The following KIF26B variants were observed in gnomAD, a reference collection of about 807,000 sequenced individuals.
The protein encoded by KIF26B is kinesin family member 26B.
Under a neutral mutation model 151.2 loss-of-function variants are expected in KIF26B, and 63 were observed. The ratio of observed to expected loss-of-function variants is 0.42; its 90% CI spans 0.34 to 0.51. The LOEUF (loss-of-function observed/expected upper bound fraction) is 0.51. Among genes scored for constraint, KIF26B ranks in the 20% least tolerant of loss-of-function variants. The probability of loss-of-function intolerance (pLI) is 0.07; values close to 1 mark genes in which losing one functional copy is unlikely to be tolerated. For synonymous variants in KIF26B, 1,357 were observed against 1,262.1 expected, an observed-to-expected ratio of 1.08 and a Z score of -1.59; for missense variants, 2,813 against 2,913.6, an observed-to-expected ratio of 0.97 and a Z score of 0.79.
intron 9 of KIF26B, among the ~76,000 whole-genome samples, chr1:245,613,065 C>T (rs888613078): frequency 3.9e-5 from 6 of 152,242 alleles, no homozygotes; most frequent in South Asian, 4.1e-4. Flanking sequence ...TTGTGGGTAA[C>T]GGGGCTGCTG....
At chr1:245,599,689 C>T (rs994038619) in intron 5 of KIF26B, among the ~76,000 whole-genome samples, 2 of 152,216 alleles carry the variant, frequency 1.3e-5, no homozygotes, top group African/African-American at 2.4e-5. Flanking sequence ...AGGAGATTTG[C>T]TTACAGAAAG....
chr1:245,304,885 T>A (rs1475570220), intron 2 of KIF26B, among the ~76,000 whole-genome samples: 3 of 150,430 alleles, frequency 2.0e-5, no homozygotes, highest in South Asian at 2.1e-4. Flanking sequence ...AAAAAAAAAA[T>A]GATTATGAGA....
intron 2 of KIF26B, among the ~76,000 whole-genome samples, chr1:245,263,635 C>A (rs1670691509): frequency 6.6e-6 from 1 of 152,196 alleles, no homozygotes. Flanking sequence ...GTTAATTGGT[C>A]TAGGAGCTTA....
Position 245,688,680 on chromosome 1 carries a change from G to A in KIF26B, c.5697G>A (p.Glu1899=). The A allele has an allele frequency of 1.2e-6, 2 of 1,605,676 alleles. No homozygotes were observed. Among genetic ancestry groups the A allele is most frequent in the Non-Finnish European group, 1.7e-6 (2 of 1,177,292 alleles). Residue 1899 remains glutamate, a synonymous_variant, in exon 12 of 15, where the codon GAG becomes GAA. Coordinates refer to ENST00000407071, the MANE Select transcript of KIF26B (RefSeq NM_018012.4). ...FYHSGGSSGY[E]SVMRDSEATG... is the part of the protein sequence containing the mutation. The stretch of plus-strand genomic sequence containing the variant: ...ACAGCGGCGGCAGCAGCGGCTACGA[G>A]AGCGTGATGCGGGACAGCGAGGCCA...
At position 245,352,452 on chromosome 1, in the gene KIF26B, T is replaced by C. The variant is rs1040625805; in HGVS notation, c.466-14382T>C. ...CTAATTTTTGTATTTTCAGTAGAGA[T>C]GGGTTTTCACAATGTTGGCCAGGTT... On this transcript the variant is annotated intron_variant, in intron 2 of 14. Coordinates refer to ENST00000407071, the MANE Select transcript of KIF26B (RefSeq NM_018012.4). The surrounding 1 kb of genome is among the most constrained non-coding windows in gnomAD (Gnocchi z 5.0). Among the ~76,000 whole-genome samples the C allele has an allele frequency of 2.6e-5, 4 of 152,128 alleles. No individual in the cohort carries two copies. The highest frequency in any genetic ancestry group is 2.1e-4 in the South Asian group (1 of 4,826).
chr1:245,437,282 G>C (rs911529853), intron 4 of KIF26B, among the ~76,000 whole-genome samples: 2 of 152,138 alleles, frequency 1.3e-5, no homozygotes, highest in Admixed American at 6.5e-5. Flanking sequence ...CCGAGCTCCC[G>C]TGTTCCATCC....
chr1:245,375,818 G>A lies in KIF26B; in HGVS notation c.999+8451G>A, dbSNP rs77445705. Among the ~76,000 whole-genome samples the A allele has an allele frequency of 3.3e-5, 5 of 152,234 alleles. No individual in the cohort carries two copies. The highest frequency in any genetic ancestry group is 1.9e-4 in the East Asian group (1 of 5,174). ...CAGAAACCTGCAGGACAGCAAGAACGTGGGCTTTTCATCTCACACAACAAA... is the reference window on the plus strand; with the variant it reads ...CAGAAACCTGCAGGACAGCAAGAACATGGGCTTTTCATCTCACACAACAAA... On this transcript the variant is annotated intron_variant, in intron 3 of 14. Transcript: ENST00000407071. The surrounding 1 kb of genome is among the most constrained non-coding windows in gnomAD (Gnocchi z 4.2).
In KIF26B at chr1:245,688,373, C is replaced by T. The variant is rs1447034259; in HGVS notation, c.5390C>T (p.Ser1797Phe). The change falls in exon 12 of 15, where the codon TCC (serine) becomes TTC (phenylalanine). Residue 1797 changes from serine (S) to phenylalanine (F), a missense_variant. Coordinates refer to ENST00000407071, the MANE Select transcript of KIF26B (RefSeq NM_018012.4). ...LSRNRSSGLA[S>F]KLPLRAVSGR... ...AGGAACAGGAGCTCGGGCCTGGCCT[C>T]CAAGCTTCCCCTGCGGGCCGTCAGC... 3.9e-6 allele frequency: 6 copies of T among 1,537,834 alleles called. No individual in the cohort carries two copies. The highest frequency in any genetic ancestry group is 4.3e-6 in the Non-Finnish European group (5 of 1,150,780).
chr1:245,376,764 T>G (rs1673285661), intron 3 of KIF26B, among the ~76,000 whole-genome samples: 1 of 152,214 alleles, frequency 6.6e-6, no homozygotes, highest in Non-Finnish European at 1.5e-5. Flanking sequence ...CTTGGCTCAC[T>G]CCAACCTCCG....
intron 10 of KIF26B, among the ~76,000 whole-genome samples, chr1:245,657,733 C>T (rs1427255479): frequency 6.6e-6 from 1 of 152,186 alleles, no homozygotes; most frequent in African/African-American, 2.4e-5. Context: ...CTCACTCATT[C>T]ATTCATTCAA....
intron 3 of KIF26B, among the ~76,000 whole-genome samples, chr1:245,368,440 C>T (rs73134806): frequency 0.05 from 7,627 of 152,068 alleles, 601 homozygotes; most frequent in African/African-American, 0.17. Flanking sequence ...GAGGCGGCCA[C>T]GGTCAAGGGT....
chr1:245,268,470 AAATAAT>A (rs59590596), intron 2 of KIF26B, among the ~76,000 whole-genome samples: 6,694 of 134,658 alleles, frequency 0.05, 301 homozygotes, highest in African/African-American at 0.12. Context: ...CTCCATCTCC[AAATAAT>A]AATAATAATA....
chr1:245,345,272 G>A (rs891923637), intron 2 of KIF26B, among the ~76,000 whole-genome samples: 2 of 152,060 alleles, frequency 1.3e-5, no homozygotes, highest in Admixed American at 6.5e-5. Flanking sequence ...CGCCCCAGAG[G>A]CCACTCCTGG....
chr1:245,198,514 G>T (rs1669231190), intron 2 of KIF26B, among the ~76,000 whole-genome samples: 1 of 152,132 alleles, frequency 6.6e-6, no homozygotes, highest in South Asian at 2.1e-4. Context: ...CTGAGGTCAG[G>T]AGTGCAAGAC....
At chr1:245,622,782 C>T (rs1342587595) in intron 9 of KIF26B, among the ~76,000 whole-genome samples, 3 of 152,124 alleles carry the variant, frequency 2.0e-5, no homozygotes, top group Non-Finnish European at 2.9e-5. Flanking sequence ...ATCCAGAGGC[C>T]TGGAGGAGCA....
chr1:245,184,050 G>GTTGTTTTTTTTTTTTT lies in KIF26B; in HGVS notation c.465+27369_465+27370insGTTTTTTTTTTTTTTT, dbSNP rs1553332271. On this transcript the variant is annotated intron_variant, in intron 2 of 14. Transcript: ENST00000407071. ...GCAACAGGTATGGGTGGGAGTTGTT[G>GTTGTTTTTTTTTTTTT]TTTTTTTTTTTTTTTTTTTGAGCTT... 8.1e-4 allele frequency among the ~76,000 whole-genome samples: 16 copies of GTTGTTTTTTTTTTTTT among 19,812 alleles called. 1 individual carries two copies. The highest frequency in any genetic ancestry group is 1.5e-3 in the African/African-American group (10 of 6,612). 13.0% of individuals were successfully genotyped at this position (19,812 alleles called of 152,430 possible). A position where few individuals can be genotyped will look rare whatever the true frequency, so the allele number is the denominator to read the frequency against.
At position 245,687,047 on chromosome 1, in the gene KIF26B, C is replaced by T. The variant is rs190878095; in HGVS notation, c.4064C>T (p.Ala1355Val). Residue 1355 changes from alanine (A) to valine (V), a missense_variant, in exon 12 of 15, where the codon GCC becomes GTC. Ala to Val is a moderately conservative substitution (Grantham distance 64, BLOSUM62 0). Around this residue, in one of 3 missense-constraint regions of KIF26B, gnomAD observed 2,060 missense variants for 2,088.6 expected, o/e 0.99. Transcript: ENST00000407071. This position sits in a 1 kb window ranked among gnomAD's most constrained non-coding sequence, Gnocchi z 4.9. ...GGAGATGACTCTTTCAACAAAGCAG[C>T]CCCCATCAAAGGCTGCAAAATATCC... ...EMGDDSFNKA[A>V]PIKGCKISTV... 1.2e-6 allele frequency: 2 copies of T among 1,613,236 alleles called. No individual in the cohort carries two copies. Among genetic ancestry groups the T allele is most frequent in the Admixed American group, 1.7e-5 (1 of 59,964 alleles).
intron 3 of KIF26B, among the ~76,000 whole-genome samples, chr1:245,402,348 T>C (rs934493728): frequency 3.3e-5 from 5 of 152,210 alleles, no homozygotes; most frequent in Admixed American, 6.5e-5. Context: ...TCTGAGTCCC[T>C]CCTGTCTGCA....
Position 245,687,841 on chromosome 1 carries a change from G to GGCAGCGGCACCA in KIF26B, c.4864_4875dup (p.Gly1622_Ser1625dup). 6.3e-7 allele frequency: 1 copy of GGCAGCGGCACCA among 1,594,722 alleles called. No individual in the cohort carries two copies. The highest frequency in any genetic ancestry group is 8.5e-7 in the Non-Finnish European group (1 of 1,171,678). ...GGCCAGCCCTCAGCACAGTGCCAGC[G>GGCAGCGGCACCA]GCAGCGGCACCAGCAGCCCCCTGAA... On this transcript the variant is annotated inframe_insertion, in exon 12 of 15. Transcript: ENST00000407071. This position sits in a 1 kb window ranked among gnomAD's most constrained non-coding sequence, Gnocchi z 4.9.
Sources: gnomAD v4.1 joint callset for allele counts (sites outside exome capture counted in the v4.1 genomes callset) on GRCh38, gnomAD v4.1.1 for gene constraint, gnomAD v4.1.1 regional missense constraint, Gnocchi (gnomAD v3.1) non-coding constraint, MANE v1.5 for transcripts, NCBI Gene and HGNC (gene_info 2026-07-23, HGNC 2026-07-21) for gene names.